The following CHCHD3 variants were observed in gnomAD, a reference collection of about 807,000 sequenced individuals.
The protein encoded by CHCHD3 is MICOS complex subunit MIC19.
A neutral mutation model predicts 38.2 loss-of-function variants in CHCHD3; 20 were observed. The ratio of observed to expected loss-of-function variants is 0.52; its 90% CI spans 0.37 to 0.76. The LOEUF (loss-of-function observed/expected upper bound fraction) is 0.76. CHCHD3 is among the 30% of genes least tolerant of loss of function. The probability of loss-of-function intolerance (pLI) is 0.00; values close to 1 mark genes in which losing one functional copy is unlikely to be tolerated. For synonymous variants in CHCHD3, 82 were observed against 100.0 expected, an observed-to-expected ratio of 0.82 and a Z score of 1.07; for missense variants, 245 against 279.2, an observed-to-expected ratio of 0.88 and a Z score of 0.87.
Position 133,004,151 on chromosome 7 carries a change from G to A in CHCHD3, c.251+20395C>T, listed in dbSNP as rs929097963. 5.3e-5 allele frequency among the ~76,000 whole-genome samples: 8 copies of A among 151,906 alleles called. No homozygotes were observed. The South Asian group carries it at 1.5e-3, about 28-fold the overall frequency. On this transcript the variant is annotated intron_variant, in intron 3 of 7. Transcript: ENST00000262570. Reference sequence around the variant, plus strand: ...TTTGTTTTTGTTTTTCAGTAGAGACGGGGTTTCACCATATTGGCCAGGTTG... The same window carrying A: ...TTTGTTTTTGTTTTTCAGTAGAGACAGGGTTTCACCATATTGGCCAGGTTG...
At chr7:133,030,012 G>GA (rs201845501) in intron 2 of CHCHD3, among the ~76,000 whole-genome samples, 2,108 of 136,272 alleles carry the variant, frequency 0.015, 35 homozygotes, top group African/African-American at 0.049. Flanking sequence ...TCCAGAAAAG[G>GA]AAAAAAAAAA....
intron 4 of CHCHD3, among the ~76,000 whole-genome samples, chr7:132,888,900 T>C (rs1458675954): frequency 3.3e-5 from 5 of 151,920 alleles, no homozygotes; most frequent in African/African-American, 1.2e-4. Context: ...ACAGAGAAGG[T>C]TGAGTACTTG....
intron 4 of CHCHD3, chr7:132,973,516 T>G: frequency 1.0e-6 from 1 of 985,516 alleles, no homozygotes; most frequent in Non-Finnish European, 1.2e-6. Context: ...TGACTGACTT[T>G]GCTTCCACCT....
chr7:132,946,118 C>T (rs555333298), intron 4 of CHCHD3, among the ~76,000 whole-genome samples: 6 of 151,796 alleles, frequency 4.0e-5, no homozygotes, highest in Admixed American at 2.0e-4. Flanking sequence ...GATATTCTCA[C>T]GTAACCATTA....
At chr7:132,975,869 C>T (rs6970388) in intron 3 of CHCHD3, among the ~76,000 whole-genome samples, 151,304 of 151,834 alleles carry the variant, frequency 1, 75,392 homozygotes, top group Middle Eastern at 1. Context: ...AGGTAGAGGA[C>T]GCAGTGAGCT....
At chr7:132,917,378 G>A (rs1376058151) in intron 4 of CHCHD3, among the ~76,000 whole-genome samples, 1 of 152,006 alleles carries the variant, frequency 6.6e-6, no homozygotes, top group Non-Finnish European at 1.5e-5. Context: ...GCACATAGTA[G>A]GAAAAAGTGA....
intron 2 of CHCHD3, among the ~76,000 whole-genome samples, chr7:133,055,434 G>A (rs1220100647): frequency 2.1e-5 from 3 of 143,240 alleles, no homozygotes; most frequent in Non-Finnish European, 3.0e-5. Context: ...AATTATATTT[G>A]TTATGTATTT....
chr7:132,869,532 C>T (rs908873474), intron 5 of CHCHD3, among the ~76,000 whole-genome samples: 2 of 152,160 alleles, frequency 1.3e-5, no homozygotes, highest in Non-Finnish European at 1.5e-5. Flanking sequence ...TTGATATACA[C>T]AATTTGCCAA....
At chr7:132,864,345 G>C (rs1344582605) in intron 5 of CHCHD3, among the ~76,000 whole-genome samples, 1 of 152,140 alleles carries the variant, frequency 6.6e-6, no homozygotes, top group South Asian at 2.1e-4. Context: ...GAACACACAC[G>C]TAACAGTTAT....
intron 2 of CHCHD3, among the ~76,000 whole-genome samples, chr7:133,038,184 A>ACAGGTATCC (rs1813732912): frequency 6.6e-6 from 1 of 152,202 alleles, no homozygotes; most frequent in African/African-American, 2.4e-5. Context: ...CTTTGACCCC[A>ACAGGTATCC]CAGGTATCCT....
At chr7:132,924,874 G>A (rs1252139041) in intron 4 of CHCHD3, among the ~76,000 whole-genome samples, 2 of 152,120 alleles carry the variant, frequency 1.3e-5, no homozygotes, top group African/African-American at 4.8e-5. Context: ...AGTGCCACAT[G>A]CCTGGAGAGA....
At chr7:133,018,037 G>C (rs1016447405) in intron 3 of CHCHD3, among the ~76,000 whole-genome samples, 22 of 152,092 alleles carry the variant, frequency 1.4e-4, no homozygotes, top group African/African-American at 5.1e-4. Flanking sequence ...TTTATCAATT[G>C]TTAAGCAGAA....
intron 4 of CHCHD3, among the ~76,000 whole-genome samples, chr7:132,919,418 G>A (rs928301698): frequency 6.6e-6 from 1 of 151,954 alleles, no homozygotes; most frequent in Non-Finnish European, 1.5e-5. Context: ...GCCATAGTTG[G>A]GTTTATTCTT....
At chr7:132,876,831 G>T (rs1162122591) in intron 5 of CHCHD3, among the ~76,000 whole-genome samples, 1 of 152,166 alleles carries the variant, frequency 6.6e-6, no homozygotes, top group Non-Finnish European at 1.5e-5. Flanking sequence ...CCAGAATAAA[G>T]CTGCTCAGCA....
rs138134487 is a variant in CHCHD3 at position 132,992,692 on chromosome 7, C to A, written c.252-17406G>T. On this transcript the variant is annotated intron_variant, in intron 3 of 7. Coordinates refer to ENST00000262570, the MANE Select transcript of CHCHD3 (RefSeq NM_017812.4). Reference sequence around the variant, plus strand: ...GAGAAAAAACCAGAATTATTTCTACCTTTTTTACTTGTGACAGAACTAGTA... The same window carrying A: ...GAGAAAAAACCAGAATTATTTCTACATTTTTTACTTGTGACAGAACTAGTA... 4.6e-3 allele frequency among the ~76,000 whole-genome samples: 693 copies of A among 152,212 alleles called. 16 individuals are homozygous for A. The highest frequency in any genetic ancestry group is 0.039 in the Admixed American group (603 of 15,294).
At chr7:132,854,566 T>C (rs957384100) in intron 5 of CHCHD3, among the ~76,000 whole-genome samples, 6 of 151,766 alleles carry the variant, frequency 4.0e-5, no homozygotes, top group Non-Finnish European at 8.8e-5. Flanking sequence ...GATGAGAGAG[T>C]GGGGATTAAT....
chr7:133,022,304 T>C (rs760930348), intron 3 of CHCHD3: 10 of 399,718 alleles, frequency 2.5e-5, no homozygotes, highest in Non-Finnish European at 5.0e-5. Context: ...AAGAGAAAAC[T>C]TGGCACGCAG....
At chr7:133,007,847 G>T (rs1278893593) in intron 3 of CHCHD3, among the ~76,000 whole-genome samples, 1 of 152,080 alleles carries the variant, frequency 6.6e-6, no homozygotes, top group Non-Finnish European at 1.5e-5. Context: ...TAAACAACAG[G>T]ACTATTATAT....
intron 6 of CHCHD3, among the ~76,000 whole-genome samples, chr7:132,830,257 C>G (rs150883980): frequency 6.6e-6 from 1 of 152,166 alleles, no homozygotes; most frequent in African/African-American, 2.4e-5. Flanking sequence ...GTCTCACTTT[C>G]CTTGGACTAA....
Sources: allele counts gnomAD v4.1 joint callset (sites outside exome capture counted in the v4.1 genomes callset), GRCh38; gene constraint gnomAD v4.1.1; transcripts MANE v1.5; gene names NCBI Gene and HGNC (gene_info 2026-07-23, HGNC 2026-07-21).